Variants in RBBP6 observed in about 807,000 individuals in gnomAD.
RBBP6 encodes E3 ubiquitin-protein ligase RBBP6.
RBBP6 carries 25 observed loss-of-function variants against 167.7 expected under a neutral mutation model. That is an observed-to-expected ratio of 0.15 (90% CI 0.11 to 0.21). The LOEUF (loss-of-function observed/expected upper bound fraction) is 0.21. RBBP6 is among the 10% of genes least tolerant of loss of function. RBBP6 has a pLI of 1.00. For missense variants in RBBP6, 1,868 were observed against 2,134.2 expected, an observed-to-expected ratio of 0.88 and a Z score of 2.46; for synonymous variants, 789 against 735.8, an observed-to-expected ratio of 1.07 and a Z score of -1.17.
intron 7 of RBBP6, chr16:24,558,641 G>A: frequency 2.3e-6 from 1 of 432,668 alleles, no homozygotes; most frequent in Non-Finnish European, 3.1e-6. Context: ...CCTGTGTTTT[G>A]CAAATTTGCC....
intron 1 of RBBP6, among the ~76,000 whole-genome samples, chr16:24,545,883 GACTAA>G (rs1201801330): frequency 1.3e-5 from 2 of 152,178 alleles, no homozygotes; most frequent in African/African-American, 2.4e-5. Context: ...CAGCATTTCA[GACTAA>G]ACTAAAGAAT....
chr16:24,571,010 A>G lies in RBBP6; in HGVS notation c.3944A>G (p.Gln1315Arg), dbSNP rs1899314541. The change falls in exon 18 of 18, where the codon CAG becomes CGG. Residue 1315 changes from glutamine (Q) to arginine (R), a missense_variant. This residue lies in a region of RBBP6 where 19 missense variants were observed against 40.5 expected (regional missense o/e 0.47). Coordinates refer to ENST00000319715, the MANE Select transcript of RBBP6 (RefSeq NM_006910.5). ...GCTGAAGATGTTATCATTATGATTCAGGTTCCTCAATCCAAATGGGATAAA... is the reference window on the plus strand; with the variant it reads ...GCTGAAGATGTTATCATTATGATTCGGGTTCCTCAATCCAAATGGGATAAA... Reference protein sequence around the residue: ...APAEDVIIMIQVPQSKWDKDD... With the variant: ...APAEDVIIMIRVPQSKWDKDD... The G allele has an allele frequency of 6.2e-7, 1 of 1,612,770 alleles. No individual in the cohort carries two copies. The highest frequency in any genetic ancestry group is 8.5e-7 in the Non-Finnish European group (1 of 1,178,896).
chr16:24,567,782 A>G lies in RBBP6; in HGVS notation c.1953-10A>G. Reference sequence around the variant, plus strand: ...TTGTTAACTTTCACTCTTTAACTTTATTTTACTAGGGAAAAGAAAAAGTCC... The same window carrying G: ...TTGTTAACTTTCACTCTTTAACTTTGTTTTACTAGGGAAAAGAAAAAGTCC... On this transcript the variant is annotated splice_polypyrimidine_tract_variant and intron_variant, in intron 15 of 17. Coordinates refer to ENST00000319715, the MANE Select transcript of RBBP6 (RefSeq NM_006910.5). 6.3e-7 allele frequency: 1 copy of G among 1,589,862 alleles called. No individual in the cohort carries two copies. Among genetic ancestry groups the G allele is most frequent in the Non-Finnish European group, 8.6e-7 (1 of 1,164,262 alleles).
At position 24,568,847 on chromosome 16, in the gene RBBP6, C is replaced by T; in HGVS notation, c.2157C>T (p.Phe719=). ...GTTCACGCTCTTATTCTCGATCATT[C>T]AGCCGCTCACATTCTCGTTCCTATT... ...STRSRSYSRS[F]SRSHSRSYSR... is the part of the protein sequence containing the mutation. The change falls in exon 17 of 18, where the codon TTC becomes TTT. Residue 719 remains phenylalanine, a synonymous_variant. Transcript: ENST00000319715. 1 of 1,614,218 alleles carries T rather than the reference C, an allele frequency of 6.2e-7. No individual in the cohort carries two copies. The highest frequency in any genetic ancestry group is 8.5e-7 in the Non-Finnish European group (1 of 1,180,034).
chr16:24,562,783 G>C (rs1476677787), intron 10 of RBBP6, among the ~76,000 whole-genome samples: 1 of 151,790 alleles, frequency 6.6e-6, no homozygotes, highest in East Asian at 1.9e-4. Context: ...AAATTCCACT[G>C]ATCTGGTGGA....
intron 2 of RBBP6, among the ~76,000 whole-genome samples, chr16:24,548,224 A>G (rs1301023978): frequency 6.6e-6 from 1 of 151,942 alleles, no homozygotes; most frequent in Non-Finnish European, 1.5e-5. Flanking sequence ...TAAACATCAA[A>G]TTGTCCAGTT....
chr16:24,561,373 A>T (rs986357385), intron 8 of RBBP6, among the ~76,000 whole-genome samples: 13 of 152,182 alleles, frequency 8.5e-5, no homozygotes, highest in Admixed American at 3.3e-4. Context: ...TTACAGGCAC[A>T]TGCCAGCACA....
At chr16:24,565,046 A>G (rs913815439) in intron 14 of RBBP6, among the ~76,000 whole-genome samples, 181 bp downstream of exon 14, 5 of 152,188 alleles carry the variant, frequency 3.3e-5, no homozygotes, top group Non-Finnish European at 7.3e-5. Flanking sequence ...AATTATATAT[A>G]GTATCTTAAA....
intron 3 of RBBP6, 94 bp downstream of exon 3, chr16:24,549,075 A>T (rs766732912): frequency 1.9e-6 from 3 of 1,555,002 alleles, no homozygotes; most frequent in Non-Finnish European, 2.6e-6. Context: ...TTAATATCCA[A>T]CTGATCATAG....
At chr16:24,564,494 C>G (rs569516917) in intron 13 of RBBP6, among the ~76,000 whole-genome samples, 1 of 152,092 alleles carries the variant, frequency 6.6e-6, no homozygotes, top group Non-Finnish European at 1.5e-5. Flanking sequence ...GGGCTCTTTT[C>G]CTTGTATATA....
rs1166392000 is a variant in RBBP6, at chr16:24,540,363, C to G, written c.-264C>G. 2.8e-6 allele frequency: 1 copy of G among 356,184 alleles called. No homozygotes were observed. Among genetic ancestry groups the G allele is most frequent in the Admixed American group, 4.4e-5 (1 of 22,562 alleles). 22.1% of individuals were successfully genotyped at this position (356,184 alleles called of 1,614,324 possible). A position where few individuals can be genotyped will look rare whatever the true frequency, so the allele number is the denominator to read the frequency against. On this transcript the variant is annotated 5_prime_UTR_variant, in exon 1 of 18. Transcript: ENST00000319715. ...GGGACCCAGCCGGGTGACATTGTGC[C>G]CGTTGGCGGATTCTCGATTTCCCCT...
chr16:24,567,323 C>G lies in RBBP6; in HGVS notation c.1770C>G (p.Gly590=), dbSNP rs769052016. 1.6e-5 allele frequency: 26 copies of G among 1,614,024 alleles called. No homozygotes were observed. Among genetic ancestry groups the G allele is most frequent in the Non-Finnish European group, 2.1e-5 (25 of 1,179,944 alleles). Residue 590 remains glycine (G), a synonymous_variant, in exon 15 of 18, where the codon GGC becomes GGG. Transcript: ENST00000319715. ...AGTTTTCTCCTCAGTTTCCTCCTGG[C>G]CAGCCACCACCCGCTGGGTATAGTG... ...PPQFSPQFPP[G]QPPPAGYSVP... is the part of the protein sequence containing the mutation.
At chr16:24,566,768 A>G (rs1016149654) in intron 14 of RBBP6, among the ~76,000 whole-genome samples, 2 of 152,148 alleles carry the variant, frequency 1.3e-5, no homozygotes, top group African/African-American at 4.8e-5. Flanking sequence ...ATGAATAAGT[A>G]AGCTTTTGGG....
rs751820573 is a variant in RBBP6 at position 24,563,674 on chromosome 16, T to G, written c.1520+10T>G. 1 of 1,608,974 alleles carries G rather than the reference T, an allele frequency of 6.2e-7. No homozygotes were observed. The highest frequency in any genetic ancestry group is 8.5e-7 in the Non-Finnish European group (1 of 1,177,442). ...GACCAGGCTGGGAACAGTGAGTAGA[T>G]GTTTACAATAATCTTCAGATGATTG... is the stretch of plus-strand genomic sequence containing the variant. On this transcript the variant is annotated intron_variant, in intron 13 of 17. Transcript: ENST00000319715.
intron 16 of RBBP6, 120 bp downstream of exon 16, chr16:24,568,013 A>G: frequency 1.3e-6 from 1 of 760,174 alleles, no homozygotes; most frequent in South Asian, 1.7e-5. Flanking sequence ...CTAGGTGTAT[A>G]GAAGTGAAGA....
At chr16:24,567,562 T>C (rs1899225558) in intron 15 of RBBP6, 57 bp downstream of exon 15, 1 of 1,507,998 alleles carries the variant, frequency 6.6e-7, no homozygotes, top group Non-Finnish European at 8.9e-7. Flanking sequence ...ATAATAACAT[T>C]AAATAGGTGT....
Position 24,548,993 on chromosome 16 carries a change from C to A in RBBP6, c.303+12C>A. On this transcript the variant is annotated intron_variant, in intron 3 of 17. Coordinates refer to ENST00000319715, the MANE Select transcript of RBBP6 (RefSeq NM_006910.5). Reference sequence around the variant, plus strand: ...CAACTACAAAAGCAGTATGTAAAAACACAATCTCACACTTTTTCTACACAT... The same window carrying A: ...CAACTACAAAAGCAGTATGTAAAAAAACAATCTCACACTTTTTCTACACAT... 6.2e-7 allele frequency: 1 copy of A among 1,610,522 alleles called. No individual in the cohort carries two copies. Among genetic ancestry groups the A allele is most frequent in the South Asian group, 1.1e-5 (1 of 90,596 alleles).
At position 24,570,119 on chromosome 16, in the gene RBBP6, G is replaced by A; in HGVS notation, c.3429G>A (p.Lys1143=). 6.3e-7 allele frequency: 1 copy of A among 1,589,896 alleles called. No homozygotes were observed. Among genetic ancestry groups the A allele is most frequent in the South Asian group, 1.2e-5 (1 of 85,338 alleles). ...AGAAAAACAAACCACTTGATAATAA[G>A]GGAGAAAAAAGAAAAAGAAAAACTG... The part of the protein sequence containing the change: ...PNEKNKPLDN[K]GEKRKRKTEE... Residue 1143 remains lysine, a synonymous_variant, in exon 17 of 18, where the codon AAG becomes AAA. Transcript: ENST00000319715.
At position 24,572,700 on chromosome 16, in the gene RBBP6, G is replaced by T; in HGVS notation, c.*255G>T. 1 of 362,740 alleles carries T rather than the reference G, an allele frequency of 2.8e-6. No individual in the cohort carries two copies. The highest frequency in any genetic ancestry group is 4.8e-6 in the Non-Finnish European group (1 of 209,616). 22.5% of individuals were successfully genotyped at this position (362,740 alleles called of 1,614,324 possible). A position where few individuals can be genotyped will look rare whatever the true frequency, so the allele number is the denominator to read the frequency against. ...TTTTTAACCACCATTAATTAGTTGG[G>T]GTGGAGTTTACTGTAATGTGAAATT... On this transcript the variant is annotated 3_prime_UTR_variant, in exon 18 of 18. Transcript: ENST00000319715.
Sources: gnomAD v4.1 joint callset for allele counts (sites outside exome capture counted in the v4.1 genomes callset) on GRCh38, gnomAD v4.1.1 for gene constraint, gnomAD v4.1.1 regional missense constraint, MANE v1.5 for transcripts, NCBI Gene and HGNC (gene_info 2026-07-23, HGNC 2026-07-21) for gene names.